Variants in TOR2A observed in about 807,000 individuals in gnomAD.
The protein encoded by TOR2A is prosalusin.
Under a neutral mutation model 28.6 loss-of-function variants are expected in TOR2A, and 24 were observed. The ratio of observed to expected loss-of-function variants is 0.84; its 90% CI spans 0.61 to 1.18. The LOEUF (loss-of-function observed/expected upper bound fraction) is 1.18, where lower values mean the gene tolerates loss of function less well. Ranked by LOEUF, TOR2A falls within the 50% of genes most tolerant of loss-of-function variation. The pLI is 0.00. For missense variants in TOR2A, 426 were observed against 448.1 expected (o/e 0.95, Z 0.45); for synonymous variants, 203 against 203.1 (o/e 1.00, Z 0.00).
At position 127,735,244 on chromosome 9, in the gene TOR2A, C is replaced by A; in HGVS notation, c.27G>T (p.Arg9=). MAAATRGC[R]PWGSLLGLLG... The stretch of plus-strand genomic sequence containing the variant: ...GCAGCCCGAGGAGCGAGCCCCAGGG[C>A]CGGCAGCCGCGCGTCGCAGCCGCCA... The change falls in exon 1 of 5, where the codon CGG becomes CGT. Residue 9 remains arginine (R), a synonymous_variant. Transcript: ENST00000373284. The A allele has an allele frequency of 1.4e-6, 2 of 1,422,786 alleles. No individual in the cohort carries two copies. Among genetic ancestry groups the A allele is most frequent in the Non-Finnish European group, 1.8e-6 (2 of 1,098,722 alleles). 88.1% of individuals were successfully genotyped at this position (1,422,786 alleles called of 1,614,324 possible).
At position 127,732,159 on chromosome 9, in the gene TOR2A, G is replaced by C; in HGVS notation, c.841C>G (p.Leu281Val). The part of the protein sequence containing the change: ...CVLNELAQLG[L>V]EPRDEVVQAV... ...TGGACAACCTCATCCCTTGGCTCCAGGCCCAGCTGGGCCAGCTCGTTGAGC... is the reference window on the plus strand; with the variant it reads ...TGGACAACCTCATCCCTTGGCTCCACGCCCAGCTGGGCCAGCTCGTTGAGC... The change falls in exon 5 of 5, where the codon CTG becomes GTG. Residue 281 changes from leucine to valine, a missense_variant. By Grantham distance (32) the Leu-to-Val change is conservative. Transcript: ENST00000373284. 1 of 1,613,526 alleles carries C rather than the reference G, an allele frequency of 6.2e-7. No individual in the cohort carries two copies. Among genetic ancestry groups the C allele is most frequent in the Non-Finnish European group, 8.5e-7 (1 of 1,180,006 alleles).
rs767036531 is a variant in TOR2A at position 127,732,670 on chromosome 9, G to A, written c.615C>T (p.Ile205=). ...GCCACGCCTCCAATGCCACCTGGTTGATCTGCTTGCCACCCGTGTTGCTAA... is the reference window on the plus strand; with the variant it reads ...GCCACGCCTCCAATGCCACCTGGTTAATCTGCTTGCCACCCGTGTTGCTAA... ...IFISNTGGKQ[I]NQVALEAWRS... is the part of the protein sequence containing the mutation. The change falls in exon 4 of 5, where the codon ATC becomes ATT. Residue 205 remains isoleucine, a synonymous_variant. Transcript: ENST00000373284. The A allele has an allele frequency of 1.9e-6, 3 of 1,568,358 alleles. No individual in the cohort carries two copies. The highest frequency in any genetic ancestry group is 1.7e-6 in the Non-Finnish European group (2 of 1,157,216).
chr9:127,735,109 T>C lies in TOR2A; in HGVS notation c.151+11A>G. On this transcript the variant is annotated intron_variant, in intron 1 of 4. Coordinates refer to ENST00000373284, the MANE Select transcript of TOR2A (RefSeq NM_001085347.3). ...CGCCCGCCCCTCGCTCCGGGCTCCC[T>C]GGCGCCTCACCCGGCAAGTCGGGCC... 1.8e-5 allele frequency: 26 copies of C among 1,465,538 alleles called. No individual in the cohort carries two copies. The highest frequency in any genetic ancestry group is 2.2e-5 in the Non-Finnish European group (25 of 1,114,172). The allele number at this position is 1,465,538 out of a possible 1,614,324, so 90.8% of individuals were successfully genotyped here.
At position 127,735,121 on chromosome 9, in the gene TOR2A, C is replaced by T. The variant is rs1192899507; in HGVS notation, c.150G>A (p.Pro50=). 13 of 1,474,606 alleles carry T rather than the reference C, an allele frequency of 8.8e-6. No individual in the cohort carries two copies. The highest frequency in any genetic ancestry group is 9.8e-6 in the Non-Finnish European group (11 of 1,119,186). The allele number at this position is 1,474,606 out of a possible 1,614,324, so 91.3% of individuals were successfully genotyped here. A position where few individuals can be genotyped will look rare whatever the true frequency, so the allele number is the denominator to read the frequency against. ...FCECDFRPDL[P]GLECDLAQHL... ...GCTCCGGGCTCCCTGGCGCCTCACC[C>T]GGCAAGTCGGGCCGGAAGTCGCATT... The change falls in exon 1 of 5, where the codon CCG becomes CCA. Residue 50 remains proline (P), a splice_region_variant and synonymous_variant. Transcript: ENST00000373284.
In TOR2A at chr9:127,732,655, C is replaced by A. The variant is rs1228781564; in HGVS notation, c.630G>T (p.Leu210Phe). ...TGGKQINQVALEAWRSRRDRE... is the reference protein window; with the variant it reads ...TGGKQINQVAFEAWRSRRDRE... Reference sequence around the variant, plus strand: ...GGTCCCGCCGGCTGCGCCACGCCTCCAATGCCACCTGGTTGATCTGCTTGC... The same window carrying A: ...GGTCCCGCCGGCTGCGCCACGCCTCAAATGCCACCTGGTTGATCTGCTTGC... Residue 210 changes from leucine to phenylalanine, a missense_variant, in exon 4 of 5, where the codon TTG (leucine) becomes TTT (phenylalanine). Coordinates refer to ENST00000373284, the MANE Select transcript of TOR2A (RefSeq NM_001085347.3). The A allele has an allele frequency of 6.4e-7, 1 of 1,570,400 alleles. No individual in the cohort carries two copies. The highest frequency in any genetic ancestry group is 2.3e-5 in the East Asian group (1 of 42,634).
chr9:127,733,264 T>G, intron 3 of TOR2A, 121 bp downstream of exon 3: 1 of 1,613,014 alleles, frequency 6.2e-7, no homozygotes, highest in Non-Finnish European at 8.5e-7. Context: ...CGGAGGGCAC[T>G]GGGAAAGCCC....
At chr9:127,733,210 G>A (rs1250534767) in intron 3 of TOR2A, 175 bp downstream of exon 3, 1 of 1,598,762 alleles carries the variant, frequency 6.3e-7, no homozygotes, top group South Asian at 1.1e-5. Flanking sequence ...AATGTCCAAA[G>A]GGAAATCAAC....
intron 1 of TOR2A, 102 bp from the exon 2 acceptor site, chr9:127,734,666 T>C: frequency 1.5e-6 from 2 of 1,301,416 alleles, no homozygotes. Context: ...GTCCTTACGT[T>C]TGTCCAAGCT....
Position 127,731,861 on chromosome 9 carries a change from GC to G in TOR2A, c.*172del, listed in dbSNP as rs1284204579. The G allele has an allele frequency of 7.3e-7, 1 of 1,370,226 alleles. No individual in the cohort carries two copies. The allele number at this position is 1,370,226 out of a possible 1,614,324, so 84.9% of individuals were successfully genotyped here. A position where few individuals can be genotyped will look rare whatever the true frequency, so the allele number is the denominator to read the frequency against. Reference sequence around the variant, plus strand: ...GGTTTCCCTGGGGAAGGTGGCCGGGGCCAAGATGCTCTCGAGCCAGTTTAGA... The same window carrying G: ...GGTTTCCCTGGGGAAGGTGGCCGGGGCAAGATGCTCTCGAGCCAGTTTAGA... On this transcript the variant is annotated 3_prime_UTR_variant, in exon 5 of 5. Coordinates refer to ENST00000373284, the MANE Select transcript of TOR2A (RefSeq NM_001085347.3).
chr9:127,734,397 C>T lies in TOR2A; in HGVS notation c.319G>A (p.Ala107Thr), dbSNP rs141982997. Residue 107 changes from alanine to threonine, a missense_variant, in exon 2 of 5, where the codon GCG becomes ACG. Ala to Thr is a moderately conservative substitution (Grantham distance 58). Coordinates refer to ENST00000373284, the MANE Select transcript of TOR2A (RefSeq NM_001085347.3). ...TGKSYVSSLL[A>T]HYLFQGGLRS... ...AGGCCGCCCTGGAAGAGGTAGTGCGCCAGCAGGGAGCTGACATAGGATTTG... is the reference window on the plus strand; with the variant it reads ...AGGCCGCCCTGGAAGAGGTAGTGCGTCAGCAGGGAGCTGACATAGGATTTG... 8.1e-6 allele frequency: 13 copies of T among 1,612,652 alleles called. No individual in the cohort carries two copies. Among genetic ancestry groups the T allele is most frequent in the Non-Finnish European group, 1.0e-5 (12 of 1,179,784 alleles).
At chr9:127,734,178 A>G in intron 2 of TOR2A, 121 bp downstream of exon 2, 4 of 1,337,324 alleles carry the variant, frequency 3.0e-6, no homozygotes, top group Non-Finnish European at 3.0e-6. Flanking sequence ...ATGGGTCCTG[A>G]GGGCTGGGGC....
intron 1 of TOR2A, chr9:127,734,834 C>T (rs1286977311): frequency 3.8e-6 from 2 of 522,692 alleles, no homozygotes; most frequent in Admixed American, 4.2e-5. Flanking sequence ...CCCCGCCCAT[C>T]CCCAAGGCGC....
In TOR2A at chr9:127,735,130, G is replaced by T; in HGVS notation, c.141C>A (p.Pro47=). 6.8e-7 allele frequency: 1 copy of T among 1,477,066 alleles called. No individual in the cohort carries two copies. The highest frequency in any genetic ancestry group is 8.9e-7 in the Non-Finnish European group (1 of 1,120,504). 91.5% of individuals were successfully genotyped at this position (1,477,066 alleles called of 1,614,324 possible). Residue 47 remains proline (P), a synonymous_variant, in exon 1 of 5, where the codon CCC becomes CCA. Coordinates refer to ENST00000373284, the MANE Select transcript of TOR2A (RefSeq NM_001085347.3). ...TCCCTGGCGCCTCACCCGGCAAGTC[G>T]GGCCGGAAGTCGCATTCGCAAAAGG... The part of the protein sequence containing the change: ...LGAFCECDFR[P]DLPGLECDLA...
Position 127,732,420 on chromosome 9 carries a change from G to T in TOR2A, c.722-142C>A, listed in dbSNP as rs373785269. On this transcript the variant is annotated intron_variant, in intron 4 of 4. Coordinates refer to ENST00000373284, the MANE Select transcript of TOR2A (RefSeq NM_001085347.3). ...GGGTGTAGGACTCAGGGGCTGTAAGGCTCACCCAAAGTCACAAAGCTGGGA... is the reference window on the plus strand; with the variant it reads ...GGGTGTAGGACTCAGGGGCTGTAAGTCTCACCCAAAGTCACAAAGCTGGGA... The T allele has an allele frequency of 6.6e-5, 96 of 1,447,926 alleles. 1 individual carries two copies. In the Middle Eastern group the frequency reaches 7.6e-4, roughly 11 times the overall value. The allele number at this position is 1,447,926 out of a possible 1,614,324, so 89.7% of individuals were successfully genotyped here.
Position 127,732,031 on chromosome 9 carries a change from G to A in TOR2A, c.*3C>T. 1 of 1,612,506 alleles carries A rather than the reference G, an allele frequency of 6.2e-7. No homozygotes were observed. On this transcript the variant is annotated 3_prime_UTR_variant, in exon 5 of 5. Transcript: ENST00000373284. Reference sequence around the variant, plus strand: ...AGGGGGGCCGAGGACACCACTCAGAGAGTCAGAGGAAGAAGGCGATTCGGG... The same window carrying A: ...AGGGGGGCCGAGGACACCACTCAGAAAGTCAGAGGAAGAAGGCGATTCGGG...
rs72616666 is a variant in TOR2A, at chr9:127,732,737, G to A, written c.594-46C>T. On this transcript the variant is annotated intron_variant, in intron 3 of 4. Transcript: ENST00000373284. ...GGCTGAGACTCAGATGAGGACTAGCGCAGGGCAGGATTGGACCCTCGCTTC... is the reference window on the plus strand; with the variant it reads ...GGCTGAGACTCAGATGAGGACTAGCACAGGGCAGGATTGGACCCTCGCTTC... 0.01 allele frequency: 15,462 copies of A among 1,545,602 alleles called. 1,257 individuals are homozygous for A. The East Asian group carries it at 0.23, about 23-fold the overall frequency.
At position 127,732,570 on chromosome 9, in the gene TOR2A, G is replaced by C. The variant is rs1442492395; in HGVS notation, c.715C>G (p.Pro239Ala). 1 of 1,589,304 alleles carries C rather than the reference G, an allele frequency of 6.3e-7. No individual in the cohort carries two copies. The highest frequency in any genetic ancestry group is 8.5e-7 in the Non-Finnish European group (1 of 1,171,488). Residue 239 changes from proline (P) to alanine (A), a missense_variant, in exon 4 of 5, where the codon CCG becomes GCG. By Grantham distance (27) the Pro-to-Ala change is conservative. Coordinates refer to ENST00000373284, the MANE Select transcript of TOR2A (RefSeq NM_001085347.3). The part of the protein sequence containing the change: ...PVISRAVLDN[P>A]HHGFSNSGIM... Reference sequence around the variant, plus strand: ...GCTGCTGAGCCAGACTCACGGTGCGGGTTGTCCAGCACCGCGCGGGAGATG... The same window carrying C: ...GCTGCTGAGCCAGACTCACGGTGCGCGTTGTCCAGCACCGCGCGGGAGATG...
Position 127,735,200 on chromosome 9 carries a change from G to A in TOR2A, c.71C>T (p.Ala24Val), listed in dbSNP as rs1354737003. 3 of 1,480,562 alleles carry A rather than the reference G, an allele frequency of 2.0e-6. No individual in the cohort carries two copies. The highest frequency in any genetic ancestry group is 2.4e-5 in the Admixed American group (1 of 42,294). The allele number at this position is 1,480,562 out of a possible 1,614,324, so 91.7% of individuals were successfully genotyped here. ...GGAAGCCAGGTCCCAGGCGGCGGCCGCGGCCGAGACCAGCCCGAGCAGCCC... is the reference window on the plus strand; with the variant it reads ...GGAAGCCAGGTCCCAGGCGGCGGCCACGGCCGAGACCAGCCCGAGCAGCCC... Reference protein sequence around the residue: ...LLGLLGLVSAAAAAWDLASLR... With the variant: ...LLGLLGLVSAVAAAWDLASLR... Residue 24 changes from alanine (A) to valine (V), a missense_variant, in exon 1 of 5, where the codon GCG (alanine) becomes GTG (valine). By Grantham distance (64) the Ala-to-Val change is moderately conservative. Coordinates refer to ENST00000373284, the MANE Select transcript of TOR2A (RefSeq NM_001085347.3).
Position 127,733,381 on chromosome 9 carries a change from C to T in TOR2A, c.593+4G>A, listed in dbSNP as rs774383091. ...ACTGTGCCCACTGCAAAGCCGGGCC[C>T]CACCTGATGAAGATGAAGATGGCTT... is the stretch of plus-strand genomic sequence containing the variant. On this transcript the variant is annotated splice_donor_region_variant and intron_variant, in intron 3 of 4. Coordinates refer to ENST00000373284, the MANE Select transcript of TOR2A (RefSeq NM_001085347.3). 3 of 1,613,816 alleles carry T rather than the reference C, an allele frequency of 1.9e-6. No individual in the cohort carries two copies. The highest frequency in any genetic ancestry group is 2.5e-6 in the Non-Finnish European group (3 of 1,180,020).
Sources: gnomAD v4.1 joint callset for allele counts on GRCh38, gnomAD v4.1.1 for gene constraint, MANE v1.5 for transcripts, NCBI Gene and HGNC (gene_info 2026-07-23, HGNC 2026-07-21) for gene names.